TMEM185A: variants seen among roughly 807,000 people sequenced by gnomAD.
TMEM185A encodes family with sequence similarity 11, member A.
A neutral mutation model predicts 25.0 loss-of-function variants in TMEM185A; 9 were observed. The observed-to-expected ratio is 0.36, with a 90% confidence interval of 0.22 to 0.63. TMEM185A has a LOEUF of 0.63. TMEM185A is among the 20% of genes least tolerant of loss of function. The probability of loss-of-function intolerance (pLI) is 0.68; values close to 1 mark genes in which losing one functional copy is unlikely to be tolerated. For synonymous variants in TMEM185A, 45 were observed against 93.5 expected (o/e 0.48, Z 2.99); for missense variants, 103 against 237.4 (o/e 0.43, Z 3.72).
chrX:149,615,783 T>C (rs2090107377), intron 1 of TMEM185A, among the ~76,000 whole-genome samples: 1 of 112,233 alleles, frequency 8.9e-6, no homozygotes, highest in East Asian at 2.8e-4. Flanking sequence ...ATCACAAATA[T>C]AAAACACTTA....
chrX:149,605,441 G>A (rs1273138274), intron 3 of TMEM185A, among the ~76,000 whole-genome samples: 28 of 77,097 alleles, frequency 3.6e-4, no homozygotes, highest in African/African-American at 1.3e-3. Flanking sequence ...ATGTCACTAT[G>A]GCCTCCCATG....
At chrX:149,631,432 C>T in intron 1 of TMEM185A, 111 bp downstream of exon 1, 1 of 934,724 alleles carries the variant, frequency 1.1e-6, no homozygotes, top group Non-Finnish European at 1.4e-6. Flanking sequence ...GGCAGGCGCC[C>T]GGGTCCTCGG....
At chrX:149,612,969 C>T (rs370657330) in intron 1 of TMEM185A, among the ~76,000 whole-genome samples, 1 of 111,939 alleles carries the variant, frequency 8.9e-6, no homozygotes, top group African/African-American at 3.3e-5. Context: ...CTACTTCTGC[C>T]ATATCGCTTC....
At chrX:149,625,143 A>C (rs988116307) in intron 1 of TMEM185A, among the ~76,000 whole-genome samples, 4 of 112,176 alleles carry the variant, frequency 3.6e-5, no homozygotes, top group African/African-American at 1.3e-4. Context: ...AATTCCAGTC[A>C]TCTTGTACAG....
intron 1 of TMEM185A, among the ~76,000 whole-genome samples, chrX:149,613,058 TCTCC>T (rs1284366653): frequency 8.9e-6 from 1 of 111,942 alleles, no homozygotes; most frequent in Non-Finnish European, 1.9e-5. Context: ...GCCAGGCTAC[TCTCC>T]CTATTTTAAG....
chrX:149,611,263 A>T, intron 2 of TMEM185A, 24 bp downstream of exon 2: 2 of 1,187,035 alleles, frequency 1.7e-6, no homozygotes, highest in Non-Finnish European at 2.3e-6. Flanking sequence ...CTAGAGACCA[A>T]TGGGTTGTAT....
chrX:149,618,398 G>C (rs2090121687), intron 1 of TMEM185A, among the ~76,000 whole-genome samples: 1 of 111,260 alleles, frequency 9.0e-6, no homozygotes, highest in Non-Finnish European at 1.9e-5. Flanking sequence ...GGAAGATCAT[G>C]AGATTCAGAG....
At chrX:149,604,892 C>T (rs1454233208) in intron 3 of TMEM185A, among the ~76,000 whole-genome samples, 1 of 111,394 alleles carries the variant, frequency 9.0e-6, no homozygotes, top group African/African-American at 3.3e-5. Flanking sequence ...CTAGATCCCA[C>T]CATACAGTCT....
chrX:149,617,488 C>T (rs1356003067), intron 1 of TMEM185A, among the ~76,000 whole-genome samples: 1 of 111,755 alleles, frequency 8.9e-6, no homozygotes, highest in African/African-American at 3.3e-5. Context: ...ACAAAAAATA[C>T]TCAGTATTTT....
Position 149,614,529 on chromosome X carries a change from G to GT in TMEM185A, c.39-3067dup, listed in dbSNP as rs782604092. ...GAACATGGAGGTAAGGAACCTCCAT[G>GT]TAAGAAACGGAAGGAAATTTGTAAA... is the stretch of plus-strand genomic sequence containing the variant. On this transcript the variant is annotated intron_variant, in intron 1 of 6. Transcript: ENST00000600449. 3.2e-3 allele frequency among the ~76,000 whole-genome samples: 360 copies of GT among 111,108 alleles called. 1 individual carries two copies. The highest frequency in any genetic ancestry group is 0.011 in the African/African-American group (339 of 30,648).
At chrX:149,606,201 T>C (rs1164347634) in intron 3 of TMEM185A, among the ~76,000 whole-genome samples, 1 of 112,618 alleles carries the variant, frequency 8.9e-6, no homozygotes, top group African/African-American at 3.2e-5. Context: ...TCCCACTCGT[T>C]ACCTGTTCTT....
chrX:149,605,436 ACTATGGCCTCCCATGTCACTTT>A (rs1569560956), intron 3 of TMEM185A, among the ~76,000 whole-genome samples: 2 of 56,751 alleles, frequency 3.5e-5, no homozygotes, highest in South Asian at 1.8e-3. Context: ...CTCCCATGTC[ACTATGGCCTCCCATGTCACTTT>A]CTATGGCCTC....
At chrX:149,604,902 T>C (rs1414287996) in intron 3 of TMEM185A, among the ~76,000 whole-genome samples, 1 of 111,560 alleles carries the variant, frequency 9.0e-6, no homozygotes, top group Non-Finnish European at 1.9e-5. Context: ...CCATACAGTC[T>C]TGGAGCCCTC....
At chrX:149,608,968 A>G (rs1246130546) in intron 2 of TMEM185A, 134 bp from the exon 3 acceptor site, 10 of 567,569 alleles carry the variant, frequency 1.8e-5, no homozygotes, top group Non-Finnish European at 2.5e-5. Flanking sequence ...AAGGGAAATC[A>G]GGTAGAAAGC....
chrX:149,615,268 G>A (rs1182244255), intron 1 of TMEM185A, among the ~76,000 whole-genome samples: 3 of 111,835 alleles, frequency 2.7e-5, no homozygotes, highest in African/African-American at 9.7e-5. Context: ...AGCATTTGAC[G>A]TAATTTGCTA....
intron 1 of TMEM185A, among the ~76,000 whole-genome samples, chrX:149,613,615 C>T (rs2090095786): frequency 8.9e-6 from 1 of 112,384 alleles, no homozygotes; most frequent in Non-Finnish European, 1.9e-5. Context: ...GCAGAAGACC[C>T]ATCTGAGTTG....
intron 1 of TMEM185A, among the ~76,000 whole-genome samples, chrX:149,628,153 C>A (rs2090173203): frequency 9.0e-6 from 1 of 111,639 alleles, no homozygotes; most frequent in African/African-American, 3.3e-5. Context: ...CAACAGATGA[C>A]TAAGAAGGCC....
At chrX:149,608,605 T>A in intron 3 of TMEM185A, 22 bp downstream of exon 3, 1 of 1,207,169 alleles carries the variant, frequency 8.3e-7, no homozygotes, top group Non-Finnish European at 1.1e-6. Context: ...TGGAAAACAT[T>A]CTTAAATATA....
At position 149,608,788 on chromosome X, in the gene TMEM185A, C is replaced by A; in HGVS notation, c.262G>T (p.Val88Leu). 8.3e-7 allele frequency: 1 copy of A among 1,211,711 alleles called. No individual in the cohort carries two copies. Among genetic ancestry groups the A allele is most frequent in the Non-Finnish European group, 1.1e-6 (1 of 895,462 alleles). Residue 88 changes from valine to leucine, a missense_variant, in exon 3 of 7, where the codon GTG becomes TTG. Val to Leu is a conservative substitution (Grantham distance 32). Transcript: ENST00000600449. ...ATCAACAAGAGCAAGTGGATGCCCA[C>A]TGCAATCAACATGGCTTTAAACTCC... ...CVEFKAMLIA[V>L]GIHLLLLMFE...
Sources: allele counts gnomAD v4.1 joint callset (sites outside exome capture counted in the v4.1 genomes callset), GRCh38; gene constraint gnomAD v4.1.1; transcripts MANE v1.5; gene names NCBI Gene and HGNC (gene_info 2026-07-23, HGNC 2026-07-21).